The following WDR27 variants were observed in gnomAD, a reference collection of about 807,000 sequenced individuals.
WDR27 encodes WD repeat-containing protein 27.
In WDR27, 100 loss-of-function variants were observed where a neutral mutation model predicts 114.4. The observed-to-expected ratio is 0.87, with a 90% confidence interval of 0.74 to 1.03. The LOEUF (loss-of-function observed/expected upper bound fraction) is 1.03, where lower values mean the gene tolerates loss of function less well. Among genes scored for constraint, WDR27 ranks in the 50% least tolerant of loss-of-function variants. The pLI, the probability that WDR27 is intolerant of heterozygous loss-of-function variation, is 0.00. For synonymous variants in WDR27, 449 were observed against 423.1 expected (o/e 1.06, Z -0.75); for missense variants, 1,129 against 1,092.9 (o/e 1.03, Z -0.47).
intron 18 of WDR27, among the ~76,000 whole-genome samples, chr6:169,637,878 G>T (rs1399594665): frequency 6.6e-6 from 1 of 152,140 alleles, no homozygotes; most frequent in Non-Finnish European, 1.5e-5. Flanking sequence ...GTATGTAAGT[G>T]TGCGTATGTG....
the WDR27 span, among the ~76,000 whole-genome samples, chr6:169,432,611 C>T: frequency 2.0e-5 from 3 of 152,340 alleles, no homozygotes; most frequent in East Asian, 5.8e-4. Context: ...TAAGACGTGC[C>T]TTTCACCTTT....
intron 25 of WDR27, among the ~76,000 whole-genome samples, chr6:169,497,743 A>C (rs1055506410): frequency 6.6e-6 from 1 of 152,170 alleles, no homozygotes; most frequent in Non-Finnish European, 1.5e-5. Context: ...TCAAAAGAAT[A>C]AAAATAACAA....
intron 23 of WDR27, among the ~76,000 whole-genome samples, chr6:169,601,456 A>C (rs891116172): frequency 1.3e-5 from 2 of 152,246 alleles, no homozygotes; most frequent in African/African-American, 4.8e-5. Context: ...TTCAGCAATC[A>C]ATAATTACTA....
In WDR27 at chr6:169,595,787, AT is replaced by A. The variant is rs797007216; in HGVS notation, c.2424+6431del. On this transcript the variant is annotated intron_variant, in intron 23 of 25. Transcript: ENST00000448612. ...TCTTACCTTGGTTTTATACAGCTTTATTTTTTTTTTTTTCAATATAACTCAA... is the reference window on the plus strand; with the variant it reads ...TCTTACCTTGGTTTTATACAGCTTTATTTTTTTTTTTTCAATATAACTCAA... Among the ~76,000 whole-genome samples the A allele has an allele frequency of 4.0e-3, 56 of 14,118 alleles. No homozygotes were observed. In the South Asian group the frequency reaches 0.35, roughly 88 times the overall value. 9.3% of individuals were successfully genotyped at this position (14,118 alleles called of 152,430 possible).
Position 169,493,404 on chromosome 6 carries a change from G to GT in WDR27, c.2646-35771dup. Among the ~76,000 whole-genome samples the GT allele has an allele frequency of 2.6e-5, 4 of 152,148 alleles. 1 individual carries two copies. The Middle Eastern group carries it at 0.014, about 518-fold the overall frequency. On this transcript the variant is annotated intron_variant, in intron 25 of 25. Coordinates refer to ENST00000448612, the MANE Select transcript of WDR27 (RefSeq NM_182552.5). ...AGAAGGATATTTGCCAACGAAAAAAGTTTAAGAAATCCACTTCAGAAGCAT... is the reference window on the plus strand; with the variant it reads ...AGAAGGATATTTGCCAACGAAAAAAGTTTTAAGAAATCCACTTCAGAAGCAT...
intron 21 of WDR27, among the ~76,000 whole-genome samples, chr6:169,629,903 G>A (rs1285815420): frequency 3.4e-5 from 5 of 148,484 alleles, no homozygotes; most frequent in African/African-American, 1.2e-4. Flanking sequence ...CTCCAGCCTG[G>A]GCGACAAGAG....
At chr6:169,498,604 T>A (rs1376355997) in intron 25 of WDR27, among the ~76,000 whole-genome samples, 1 of 152,166 alleles carries the variant, frequency 6.6e-6, no homozygotes, top group Non-Finnish European at 1.5e-5. Context: ...ATAAATAAAT[T>A]GGTCTCCATC....
At chr6:169,502,399 A>T (rs541705251) in intron 25 of WDR27, among the ~76,000 whole-genome samples, 1 of 152,208 alleles carries the variant, frequency 6.6e-6, no homozygotes, top group East Asian at 1.9e-4. Flanking sequence ...CAGGGCTTAC[A>T]CTGTAGTTTT....
Position 169,652,004 on chromosome 6 carries a change from T to C in WDR27, c.1407A>G (p.Ala469=). The C allele has an allele frequency of 6.2e-7, 1 of 1,613,714 alleles. No individual in the cohort carries two copies. The highest frequency in any genetic ancestry group is 8.5e-7 in the Non-Finnish European group (1 of 1,179,836). The change falls in exon 14 of 26, where the codon GCA becomes GCG. Residue 469 remains alanine (A), a synonymous_variant. Transcript: ENST00000448612. ...TKAASEQRRA[A]RNVMKDQRLV... is the part of the protein sequence containing the mutation. Reference sequence around the variant, plus strand: ...GGCGTTGGTCCTTCATGACGTTCCGTGCAGCTGTGGAAAGGCAATTTTAAA... The same window carrying C: ...GGCGTTGGTCCTTCATGACGTTCCGCGCAGCTGTGGAAAGGCAATTTTAAA...
intron 13 of WDR27, among the ~76,000 whole-genome samples, chr6:169,657,414 C>T (rs1824526734): frequency 6.6e-6 from 1 of 152,198 alleles, no homozygotes; most frequent in East Asian, 1.9e-4. Flanking sequence ...CCAGCCTAGC[C>T]GAGCCCGGCC....
chr6:169,516,985 G>A (rs535322421), intron 25 of WDR27, among the ~76,000 whole-genome samples: 6 of 152,252 alleles, frequency 3.9e-5, no homozygotes, highest in African/African-American at 1.2e-4. Flanking sequence ...CCTGAGATTT[G>A]AGGCTGGGCA....
At chr6:169,596,753 G>A (rs1320411096) in intron 23 of WDR27, among the ~76,000 whole-genome samples, 4 of 151,986 alleles carry the variant, frequency 2.6e-5, no homozygotes, top group Non-Finnish European at 5.9e-5. Context: ...ATAAGATCTT[G>A]GTTCTACATA....
chr6:169,615,083 G>A (rs1284113104), intron 21 of WDR27, among the ~76,000 whole-genome samples: 1 of 152,012 alleles, frequency 6.6e-6, no homozygotes, highest in Non-Finnish European at 1.5e-5. Context: ...AGGATAAGTA[G>A]AAAGCGAAGA....
chr6:169,684,393 T>G lies in WDR27; in HGVS notation c.189+4424A>C, dbSNP rs940857450. Among the ~76,000 whole-genome samples, 15 of 152,066 alleles carry G rather than the reference T, an allele frequency of 9.9e-5. No individual in the cohort carries two copies. The South Asian group carries it at 1.2e-3, about 13-fold the overall frequency. ...CTGGGCTGCCCAATGTCCCCGAGTC[T>G]CCAATAAAGGCCTGAGAAACAGTCT... is the stretch of plus-strand genomic sequence containing the variant. On this transcript the variant is annotated intron_variant, in intron 2 of 25. Transcript: ENST00000448612. This position sits in a 1 kb window ranked among gnomAD's most constrained non-coding sequence, Gnocchi z 4.3.
chr6:169,552,772 T>C (rs1798324737), intron 25 of WDR27, among the ~76,000 whole-genome samples: 1 of 152,220 alleles, frequency 6.6e-6, no homozygotes, highest in Non-Finnish European at 1.5e-5. Flanking sequence ...TAAAAATGAA[T>C]TGTATTTTCA....
At chr6:169,617,660 G>C (rs1223405554) in intron 21 of WDR27, among the ~76,000 whole-genome samples, 1 of 152,212 alleles carries the variant, frequency 6.6e-6, no homozygotes, top group Non-Finnish European at 1.5e-5. Context: ...ACAGGCCTGA[G>C]CCACTGTGCC....
At chr6:169,551,375 C>T (rs905098683) in intron 25 of WDR27, among the ~76,000 whole-genome samples, 3 of 152,150 alleles carry the variant, frequency 2.0e-5, no homozygotes, top group African/African-American at 7.2e-5. Context: ...CACTATCTCT[C>T]CTGATTTACT....
chr6:169,667,161 TA>T lies in WDR27; in HGVS notation c.686del (p.Leu229Ter), dbSNP rs756391711. ...FKVWDHCTGS[L>X]IYSSSVLSAY... ...CTGATAACACAGATGAACTGTATAT[TA>T]ATGATCCTGTACAATGGTCCCAGAC... On this transcript the variant is annotated frameshift_variant, in exon 6 of 26. Coordinates refer to ENST00000448612, the MANE Select transcript of WDR27 (RefSeq NM_182552.5). LOFTEE classifies it high-confidence loss of function. 2.6e-6 allele frequency: 4 copies of T among 1,534,188 alleles called. No homozygotes were observed. In the East Asian group the frequency reaches 9.6e-5, roughly 37 times the overall value.
At chr6:169,473,315 C>T (rs1786677304) in intron 25 of WDR27, among the ~76,000 whole-genome samples, 2 of 152,054 alleles carry the variant, frequency 1.3e-5, no homozygotes, top group Non-Finnish European at 2.9e-5. Flanking sequence ...TGAAGAGTGA[C>T]AAAAGGGAAG....
Sources: allele counts gnomAD v4.1 joint callset (sites outside exome capture counted in the v4.1 genomes callset), GRCh38; gene constraint gnomAD v4.1.1; non-coding constraint Gnocchi (gnomAD v3.1); transcripts MANE v1.5; gene names NCBI Gene and HGNC (gene_info 2026-07-23, HGNC 2026-07-21).